SPAG16: variants seen among roughly 807,000 people sequenced by gnomAD.
The protein encoded by SPAG16 is sperm associated antigen 16.
Under a neutral mutation model 80.4 loss-of-function variants are expected in SPAG16, and 86 were observed. The ratio of observed to expected loss-of-function variants is 1.07; its 90% CI spans 0.90 to 1.28. The LOEUF (loss-of-function observed/expected upper bound fraction) is 1.28, where lower values mean the gene tolerates loss of function less well. Ranked by LOEUF, SPAG16 falls within the 50% of genes most tolerant of loss-of-function variation. The pLI is 0.00. For missense variants in SPAG16, 870 were observed against 765.3 expected, an observed-to-expected ratio of 1.14 and a Z score of -1.61; for synonymous variants, 294 against 265.9, an observed-to-expected ratio of 1.11 and a Z score of -1.03.
At chr2:214,219,711 T>C (rs1256117769) in intron 15 of SPAG16, among the ~76,000 whole-genome samples, 1 of 152,140 alleles carries the variant, frequency 6.6e-6, no homozygotes, top group Non-Finnish European at 1.5e-5. Flanking sequence ...CATAAAAGTC[T>C]CCAAATTCTT....
chr2:214,385,225 G>A (rs1264107682), intron 15 of SPAG16, among the ~76,000 whole-genome samples: 1 of 152,150 alleles, frequency 6.6e-6, no homozygotes, highest in East Asian at 1.9e-4. Flanking sequence ...GCTCTTGAGA[G>A]TTAACTTCTT....
chr2:214,321,678 A>G (rs1696107046), intron 15 of SPAG16, among the ~76,000 whole-genome samples: 3 of 152,242 alleles, frequency 2.0e-5, no homozygotes, highest in Admixed American at 1.3e-4. Context: ...TTAGATTCCA[A>G]TAAGTCTGGG....
chr2:214,114,993 T>C (rs2053862876), intron 14 of SPAG16, among the ~76,000 whole-genome samples: 1 of 152,248 alleles, frequency 6.6e-6, no homozygotes, highest in Non-Finnish European at 1.5e-5. Context: ...CCAAAAGGAC[T>C]ATTACAATAT....
At chr2:214,211,268 C>T (rs1002648485) in intron 15 of SPAG16, among the ~76,000 whole-genome samples, 2 of 152,180 alleles carry the variant, frequency 1.3e-5, no homozygotes, top group African/African-American at 4.8e-5. Flanking sequence ...GAGACCTACT[C>T]TAACTTGCTG....
chr2:214,068,534 A>G (rs1032825054), intron 13 of SPAG16, among the ~76,000 whole-genome samples: 3 of 152,154 alleles, frequency 2.0e-5, no homozygotes, highest in African/African-American at 7.2e-5. Context: ...TCTGACTCAG[A>G]GCTTTTCCTA....
intron 9 of SPAG16, among the ~76,000 whole-genome samples, chr2:213,468,688 A>ATGTGTGTG (rs1337424864): frequency 1.4e-5 from 2 of 147,572 alleles, no homozygotes; most frequent in Admixed American, 1.4e-4. Flanking sequence ...ATGTGTGTGT[A>ATGTGTGTG]TATGTGTGTA....
At chr2:213,349,341 C>T (rs939454787) in intron 6 of SPAG16, among the ~76,000 whole-genome samples, 1 of 151,836 alleles carries the variant, frequency 6.6e-6, no homozygotes, top group South Asian at 2.1e-4. Flanking sequence ...AATAAAATAG[C>T]AAATGGACAA....
At chr2:213,800,295 T>A (rs2071304497) in intron 10 of SPAG16, among the ~76,000 whole-genome samples, 1 of 151,360 alleles carries the variant, frequency 6.6e-6, no homozygotes, top group African/African-American at 2.4e-5. Flanking sequence ...TCTCCCTATA[T>A]TTCCCTCCCT....
At chr2:214,149,941 T>G (rs576077859) in intron 15 of SPAG16, among the ~76,000 whole-genome samples, 1 of 152,230 alleles carries the variant, frequency 6.6e-6, no homozygotes, top group East Asian at 1.9e-4. Flanking sequence ...TCTGCATCTT[T>G]AATGATAGAG....
chr2:214,231,697 T>G (rs1688717149), intron 15 of SPAG16, among the ~76,000 whole-genome samples: 1 of 152,082 alleles, frequency 6.6e-6, no homozygotes, highest in South Asian at 2.1e-4. Context: ...AAACTTGCAG[T>G]AAACTGCACA....
At chr2:213,719,347 T>TTA (rs1296117980) in intron 10 of SPAG16, among the ~76,000 whole-genome samples, 1 of 151,914 alleles carries the variant, frequency 6.6e-6, no homozygotes, top group African/African-American at 2.4e-5. Flanking sequence ...CACCCTGTGT[T>TTA]TAGCTCAAGG....
chr2:213,941,126 A>T (rs758833400), intron 12 of SPAG16, among the ~76,000 whole-genome samples: 1 of 152,162 alleles, frequency 6.6e-6, no homozygotes, highest in Non-Finnish European at 1.5e-5. Flanking sequence ...TTGTTCATAT[A>T]TCCACCAGTC....
intron 10 of SPAG16, among the ~76,000 whole-genome samples, chr2:213,735,357 A>G (rs562533570): frequency 6.6e-6 from 1 of 152,332 alleles, no homozygotes; most frequent in Admixed American, 6.5e-5. Flanking sequence ...GGTGAAAGTA[A>G]TACTGACAGT....
At chr2:213,850,806 A>G (rs1397888859) in intron 10 of SPAG16, among the ~76,000 whole-genome samples, 1 of 152,002 alleles carries the variant, frequency 6.6e-6, no homozygotes, top group Non-Finnish European at 1.5e-5. Flanking sequence ...TAGGCTGCTT[A>G]TTTGCTTATA....
intron 10 of SPAG16, among the ~76,000 whole-genome samples, chr2:213,764,114 G>A (rs2068806784): frequency 6.6e-6 from 1 of 152,146 alleles, no homozygotes; most frequent in Admixed American, 6.6e-5. Context: ...GATATCTTGT[G>A]AGTTAATTAA....
At chr2:214,022,730 GTCTT>G (rs2047939003) in intron 13 of SPAG16, among the ~76,000 whole-genome samples, 1 of 7,396 alleles carries the variant, frequency 1.4e-4, no homozygotes, top group African/African-American at 3.9e-4. Flanking sequence ...AAAAGAATCT[GTCTT>G]ACCATGGTGT....
intron 10 of SPAG16, among the ~76,000 whole-genome samples, chr2:213,779,711 T>G (rs2069825291): frequency 1.3e-5 from 2 of 152,322 alleles, no homozygotes; most frequent in South Asian, 4.1e-4. Flanking sequence ...AGGAATGGAA[T>G]TGCTGTGATC....
chr2:214,352,507 G>A (rs1698477353), intron 15 of SPAG16, among the ~76,000 whole-genome samples: 1 of 140,960 alleles, frequency 7.1e-6, no homozygotes, highest in Non-Finnish European at 1.5e-5. Context: ...CAGCCTCAGA[G>A]CTGTAACATT....
At chr2:214,061,870 G>A (rs1433071471) in intron 13 of SPAG16, among the ~76,000 whole-genome samples, 1 of 151,976 alleles carries the variant, frequency 6.6e-6, no homozygotes, top group Non-Finnish European at 1.5e-5. Context: ...CAAAAGGATG[G>A]AGCTATAGGA....
Sources: allele counts gnomAD v4.1 joint callset (sites outside exome capture counted in the v4.1 genomes callset), GRCh38; gene constraint gnomAD v4.1.1; transcripts MANE v1.5; gene names NCBI Gene and HGNC (gene_info 2026-07-23, HGNC 2026-07-21).